ZNF678: variants seen among roughly 807,000 people sequenced by gnomAD.
The protein encoded by ZNF678 is hypothetical protein MGC42493.
ZNF678 carries 5 observed loss-of-function variants against 3.0 expected under a neutral mutation model. The observed-to-expected ratio is 1.69, with a 90% confidence interval of 0.88 to 3.56. The LOEUF is 3.56. ZNF678 is among the 30% of genes most tolerant of loss of function. The pLI, the probability that ZNF678 is intolerant of heterozygous loss-of-function variation, is 0.00. For synonymous variants in ZNF678, 218 were observed against 199.6 expected, an observed-to-expected ratio of 1.09 and a Z score of -0.78; for missense variants, 593 against 605.0, an observed-to-expected ratio of 0.98 and a Z score of 0.21.
Position 227,638,297 on chromosome 1 carries a change from G to C in ZNF678, c.-163-8247G>C, listed in dbSNP as rs1418284890. Among the ~76,000 whole-genome samples the C allele has an allele frequency of 6.6e-6, 1 of 152,160 alleles. No individual in the cohort carries two copies. Among genetic ancestry groups the C allele is most frequent in the Admixed American group, 6.5e-5 (1 of 15,280 alleles). Reference sequence around the variant, plus strand: ...GGAATTGCGGAAAGTGAAGTATATGGGTCAGGAACTACTAGACAGCTTGGT... The same window carrying C: ...GGAATTGCGGAAAGTGAAGTATATGCGTCAGGAACTACTAGACAGCTTGGT... On this transcript the variant is annotated intron_variant, in intron 1 of 3. Transcript: ENST00000343776. The surrounding 1 kb of genome is among the most constrained non-coding windows in gnomAD (Gnocchi z 4.2).
chr1:227,626,421 G>A (rs1658417301), intron 1 of ZNF678, among the ~76,000 whole-genome samples: 1 of 152,128 alleles, frequency 6.6e-6, no homozygotes, highest in Admixed American at 6.5e-5. Context: ...ATGGGGAGTT[G>A]GAGGGAAGGG....
At chr1:227,577,282 C>T (rs1439341116) in intron 1 of ZNF678, among the ~76,000 whole-genome samples, 1 of 152,102 alleles carries the variant, frequency 6.6e-6, no homozygotes, top group African/African-American at 2.4e-5. Flanking sequence ...GAGTTCAAGT[C>T]CTGAATATCT....
rs548716237 is a variant in ZNF678 at position 227,573,368 on chromosome 1, G to A, written c.-164+9644G>A. ...ACTATTATTATATTGGGAAGAGTGCGGCAGCACTTACGAATAAAAGCCCAT... is the reference window on the plus strand; with the variant it reads ...ACTATTATTATATTGGGAAGAGTGCAGCAGCACTTACGAATAAAAGCCCAT... On this transcript the variant is annotated intron_variant, in intron 1 of 3. Coordinates refer to ENST00000343776, the MANE Select transcript of ZNF678 (RefSeq NM_001367909.1). Among the ~76,000 whole-genome samples the A allele has an allele frequency of 3.9e-5, 6 of 152,234 alleles. No individual in the cohort carries two copies. In the East Asian group the frequency reaches 5.8e-4, roughly 15 times the overall value.
rs148386858 is a variant in ZNF678, at chr1:227,636,436, C to T, written c.-163-10108C>T. The stretch of plus-strand genomic sequence containing the variant: ...TTGCTACACGCATTTGGTTTTGTTG[C>T]GCCGAGCATTTCCAGGGCTGAGGCA... On this transcript the variant is annotated intron_variant, in intron 1 of 3. Coordinates refer to ENST00000343776, the MANE Select transcript of ZNF678 (RefSeq NM_001367909.1). 2.5e-3 allele frequency among the ~76,000 whole-genome samples: 374 copies of T among 152,234 alleles called. 2 individuals are homozygous for T. Among genetic ancestry groups the T allele is most frequent in the Middle Eastern group, 0.02 (6 of 294 alleles).
intron 1 of ZNF678, among the ~76,000 whole-genome samples, chr1:227,593,143 C>A (rs1202710914): frequency 6.6e-6 from 1 of 152,214 alleles, no homozygotes; most frequent in Non-Finnish European, 1.5e-5. Context: ...CTGTAGAATC[C>A]TGGAAAAGAG....
At position 227,662,085 on chromosome 1, in the gene ZNF678, T is replaced by C. The variant is rs1473107753; in HGVS notation, c.*6257T>C. The C allele has an allele frequency of 6.6e-6, 1 of 152,192 alleles. No individual in the cohort carries two copies. Among genetic ancestry groups the C allele is most frequent in the African/African-American group, 2.4e-5 (1 of 41,444 alleles). The allele number at this position is 152,192 out of a possible 1,614,324, so 9.4% of individuals were successfully genotyped here. On this transcript the variant is annotated 3_prime_UTR_variant, in exon 4 of 4. Coordinates refer to ENST00000343776, the MANE Select transcript of ZNF678 (RefSeq NM_001367909.1). ...AGGAGAAGGTTCTAGGCTTCCGAAG[T>C]AAAATTGGATGTGGAGGTTGGGGAT...
At chr1:227,636,744 A>T (rs1422156494) in intron 1 of ZNF678, among the ~76,000 whole-genome samples, 3 of 151,956 alleles carry the variant, frequency 2.0e-5, no homozygotes. Context: ...GGTGAGCTTG[A>T]CCCTGGTGCA....
At chr1:227,675,321 C>T (rs1299739621) in intron 5 of ZNF678, among the ~76,000 whole-genome samples, 1 of 152,100 alleles carries the variant, frequency 6.6e-6, no homozygotes, top group Non-Finnish European at 1.5e-5. Context: ...TATGCTAGCA[C>T]CTTGATTTTG....
At chr1:227,664,804 C>T (rs1187533262), downstream of ZNF678, among the ~76,000 whole-genome samples, 3 of 151,808 alleles carry the variant, frequency 2.0e-5, no homozygotes, top group Admixed American at 6.6e-5. Flanking sequence ...GGACCCCTTC[C>T]TTCCATATGA....
At chr1:227,603,810 A>T (rs1463115140) in intron 1 of ZNF678, among the ~76,000 whole-genome samples, 1 of 152,194 alleles carries the variant, frequency 6.6e-6, no homozygotes. Context: ...TGATTCCATT[A>T]ACTCCCCCAA....
rs1229753235 is a variant in ZNF678 at position 227,590,334 on chromosome 1, T to C, written c.-164+26610T>C. ...ATTTTCTACAGACTTCTCTTTCAGCTGCTAGCAAGTAGTCGAGAGTCAGTT... is the reference window on the plus strand; with the variant it reads ...ATTTTCTACAGACTTCTCTTTCAGCCGCTAGCAAGTAGTCGAGAGTCAGTT... On this transcript the variant is annotated intron_variant, in intron 1 of 3. Coordinates refer to ENST00000343776, the MANE Select transcript of ZNF678 (RefSeq NM_001367909.1). Among the ~76,000 whole-genome samples, 3 of 151,800 alleles carry C rather than the reference T, an allele frequency of 2.0e-5. 1 individual carries two copies. The highest frequency in any genetic ancestry group is 4.4e-5 in the Non-Finnish European group (3 of 68,004).
chr1:227,651,141 G>A, intron 3 of ZNF678, 65 bp downstream of exon 3: 2 of 1,565,598 alleles, frequency 1.3e-6, no homozygotes, highest in Non-Finnish European at 8.7e-7. Context: ...TAGTAGAGAG[G>A]GGATATACCT....
intron 1 of ZNF678, among the ~76,000 whole-genome samples, chr1:227,589,645 CAG>C (rs1158097611): frequency 6.6e-6 from 1 of 151,642 alleles, no homozygotes; most frequent in Non-Finnish European, 1.5e-5. Context: ...ATTGAGCAAG[CAG>C]GGGGTGCATG....
intron 1 of ZNF678, among the ~76,000 whole-genome samples, chr1:227,628,395 GC>G (rs1658469618): frequency 6.6e-6 from 1 of 152,198 alleles, no homozygotes; most frequent in South Asian, 2.1e-4. Flanking sequence ...AGCCGCTTCT[GC>G]TTCAGGTGTC....
intron 1 of ZNF678, among the ~76,000 whole-genome samples, chr1:227,585,813 T>TA (rs1657246230): frequency 1.3e-5 from 2 of 152,064 alleles, no homozygotes; most frequent in Non-Finnish European, 2.9e-5. Context: ...TCTAGACGTT[T>TA]AAAAAATCCT....
chr1:227,596,177 G>A (rs762086560), intron 1 of ZNF678, among the ~76,000 whole-genome samples: 8 of 152,246 alleles, frequency 5.3e-5, no homozygotes, highest in South Asian at 4.1e-4. Flanking sequence ...GGAGTCCCCC[G>A]CAGGGATGTT....
Position 227,653,015 on chromosome 1 carries a change from C to T in ZNF678, c.86-1321C>T, listed in dbSNP as rs1319542877. ...TTCATCTTCTCTTAATTGTGAAGGA[C>T]AGTTTTACTGTTAATAGTATTCTTG... On this transcript the variant is annotated intron_variant, in intron 3 of 3. Coordinates refer to ENST00000343776, the MANE Select transcript of ZNF678 (RefSeq NM_001367909.1). Among the ~76,000 whole-genome samples, 3 of 152,036 alleles carry T rather than the reference C, an allele frequency of 2.0e-5. No homozygotes were observed. In the East Asian group the frequency reaches 5.8e-4, roughly 29 times the overall value.
intron 1 of ZNF678, among the ~76,000 whole-genome samples, chr1:227,591,882 A>G (rs1219980295): frequency 6.6e-6 from 1 of 152,178 alleles, no homozygotes; most frequent in Admixed American, 6.5e-5. Flanking sequence ...TCCTTACTGT[A>G]CAAGTCCAAA....
At chr1:227,630,398 C>G (rs1212022108) in intron 1 of ZNF678, among the ~76,000 whole-genome samples, 1 of 152,172 alleles carries the variant, frequency 6.6e-6, no homozygotes, top group African/African-American at 2.4e-5. Flanking sequence ...GTTCTCTTTC[C>G]TCTGTTGTCA....
Sources: gnomAD v4.1 joint callset for allele counts (sites outside exome capture counted in the v4.1 genomes callset) on GRCh38, gnomAD v4.1.1 for gene constraint, Gnocchi (gnomAD v3.1) non-coding constraint, MANE v1.5 for transcripts, NCBI Gene and HGNC (gene_info 2026-07-23, HGNC 2026-07-21) for gene names.